Variants in LTA4H observed in about 807,000 individuals in gnomAD.
The protein encoded by LTA4H is leukotriene A4 hydrolase, also known as leukotriene A-4 hydrolase.
LTA4H carries 59 observed loss-of-function variants against 89.8 expected under a neutral mutation model. That is an observed-to-expected ratio of 0.66 (90% CI 0.53 to 0.82). The LOEUF (loss-of-function observed/expected upper bound fraction) is 0.82, where lower values mean the gene tolerates loss of function less well. Among genes scored for constraint, LTA4H ranks in the 40% least tolerant of loss-of-function variants. The pLI, the probability that LTA4H is intolerant of heterozygous loss-of-function variation, is 0.00. For synonymous variants in LTA4H, 227 were observed against 253.1 expected, an observed-to-expected ratio of 0.90 and a Z score of 0.98; for missense variants, 617 against 727.0, an observed-to-expected ratio of 0.85 and a Z score of 1.74.
intron 14 of LTA4H, chr12:96,012,100 G>A (rs1300400195): frequency 6.6e-6 from 1 of 152,220 alleles, no homozygotes; most frequent in African/African-American, 2.4e-5. Flanking sequence ...AGTTAGTGGG[G>A]CGCTCTGACC....
upstream of LTA4H, among the ~76,000 whole-genome samples, chr12:96,037,566 CAG>C (rs1337507348): frequency 6.6e-6 from 1 of 151,814 alleles, no homozygotes; most frequent in Non-Finnish European, 1.5e-5. Context: ...AGATGGAAGC[CAG>C]AGAGTAGTGG....
intron 2 of LTA4H, among the ~76,000 whole-genome samples, chr12:96,028,498 C>A (rs1950537067): frequency 6.6e-6 from 1 of 152,178 alleles, no homozygotes; most frequent in Admixed American, 6.5e-5. Flanking sequence ...CCCAGTGTGA[C>A]AATTCTGGTT....
rs934006774 is a variant in LTA4H at position 96,029,088 on chromosome 12, G to T, written c.257C>A (p.Pro86Gln). The T allele has an allele frequency of 3.1e-6, 5 of 1,590,032 alleles. No individual in the cohort carries two copies. Among genetic ancestry groups the T allele is most frequent in the Non-Finnish European group, 4.3e-6 (5 of 1,168,482 alleles). ...AGCGATAGGAAGAGAGATTTCCATT[G>T]GCGATCCCTTGTAACTTTGTCTTTC... ...LGERQSYKGS[P>Q]MEISLPIALS... Residue 86 changes from proline (P) to glutamine (Q), a missense_variant, in exon 2 of 19, where the codon CCA becomes CAA. Transcript: ENST00000228740.
rs1175196528 is a variant in LTA4H at position 96,043,233 on chromosome 12, G to A, written c.87+56C>T. ...CCCGGGAGGTGAATTGAAGGGGTAG[G>A]CAGGGACTCGACTTGAAAGAACCTC... On this transcript the variant is annotated intron_variant, in intron 1 of 17. Transcript: ENST00000413268. The A allele has an allele frequency of 9.6e-6, 12 of 1,251,616 alleles. No homozygotes were observed. The East Asian group carries it at 3.0e-4, about 32-fold the overall frequency. 77.5% of individuals were successfully genotyped at this position (1,251,616 alleles called of 1,614,324 possible).
At chr12:96,011,052 C>T (rs1011828104) in intron 14 of LTA4H, 2 of 152,148 alleles carry the variant, frequency 1.3e-5, no homozygotes, top group Admixed American at 1.3e-4. Context: ...CAGGGTTCCT[C>T]CAGCACTTTG....
chr12:96,032,974 A>G (rs939700899), intron 1 of LTA4H, among the ~76,000 whole-genome samples: 1 of 152,182 alleles, frequency 6.6e-6, no homozygotes, highest in African/African-American at 2.4e-5. Context: ...GGAGAAGGGA[A>G]AGGATCAGGA....
chr12:96,001,017 A>C lies in LTA4H; in HGVS notation c.1808T>G (p.Leu603Arg). The C allele has an allele frequency of 6.2e-7, 1 of 1,613,832 alleles. No individual in the cohort carries two copies. The highest frequency in any genetic ancestry group is 8.5e-7 in the Non-Finnish European group (1 of 1,179,722). ...ATCCACTTTTAAGTCTTTCCCCACC[A>C]GCATTGCAGTCACGGGATGCATGCT... is the stretch of plus-strand genomic sequence containing the variant. ...KASMHPVTAMLVGKDLKVD is the reference protein window; with the variant it reads ...KASMHPVTAMRVGKDLKVD Residue 603 changes from leucine to arginine, a missense_variant, in exon 19 of 19, where the codon CTG (leucine) becomes CGG (arginine). Physicochemically the swap from Leu to Arg is moderately radical, Grantham distance 102. Around this residue, in one of 3 missense-constraint regions of LTA4H, gnomAD observed 290 missense variants for 339.1 expected, o/e 0.86. Transcript: ENST00000228740.
At chr12:96,036,288 C>T (rs1001669047), upstream of LTA4H, among the ~76,000 whole-genome samples, 1 of 152,200 alleles carries the variant, frequency 6.6e-6, no homozygotes, top group Admixed American at 6.5e-5. Flanking sequence ...AGAGCTGGGA[C>T]ATCTAGCTCA....
chr12:96,032,490 G>A (rs1950586132), intron 1 of LTA4H, among the ~76,000 whole-genome samples: 1 of 152,122 alleles, frequency 6.6e-6, no homozygotes, highest in African/African-American at 2.4e-5. Context: ...ACTATACTAG[G>A]AAGCTGAGAT....
intron 11 of LTA4H, 113 bp downstream of exon 11, chr12:96,015,470 A>T: frequency 1.4e-6 from 1 of 714,886 alleles, no homozygotes; most frequent in East Asian, 2.6e-5. Context: ...CACTTTCCAC[A>T]CTTGTAAAAA....
rs1344300196 is a variant in LTA4H, at chr12:96,027,435, C to A, written c.411+9G>T. The A allele has an allele frequency of 6.4e-7, 1 of 1,570,212 alleles. No homozygotes were observed. Among genetic ancestry groups the A allele is most frequent in the Non-Finnish European group, 8.6e-7 (1 of 1,163,782 alleles). The stretch of plus-strand genomic sequence containing the variant: ...TCTGCATCAGAAATCATTCTGGAAT[C>A]CTTTTTACCTGGCACTGACTAAAGA... On this transcript the variant is annotated intron_variant, in intron 3 of 18. Coordinates refer to ENST00000228740, the MANE Select transcript of LTA4H (RefSeq NM_000895.3).
At chr12:96,011,586 A>G (rs1416405159) in intron 14 of LTA4H, 1 of 152,186 alleles carries the variant, frequency 6.6e-6, no homozygotes, top group Non-Finnish European at 1.5e-5. Context: ...AACACTTAAT[A>G]TTTTAAAAAA....
Position 96,029,172 on chromosome 12 carries a change from T to C in LTA4H, c.173A>G (p.Lys58Arg). ...CACTACTTTTTCTATTGTAAGGTCC[T>C]TTGTATCCAAAACCTAAAATTAATA... ...DNLRSLVLDT[K>R]DLTIEKVVIN... The change falls in exon 2 of 19, where the codon AAG (lysine) becomes AGG (arginine). Residue 58 changes from lysine to arginine, a missense_variant. Around this residue, in one of 3 missense-constraint regions of LTA4H, gnomAD observed 155 missense variants for 143.3 expected, o/e 1.08. Coordinates refer to ENST00000228740, the MANE Select transcript of LTA4H (RefSeq NM_000895.3). The C allele has an allele frequency of 6.5e-7, 1 of 1,529,770 alleles. No homozygotes were observed. The highest frequency in any genetic ancestry group is 8.9e-7 in the Non-Finnish European group (1 of 1,126,434). The allele number at this position is 1,529,770 out of a possible 1,614,324, so 94.8% of individuals were successfully genotyped here.
In LTA4H at chr12:96,009,117, C is replaced by T. The variant is rs182608358; in HGVS notation, c.1411G>A (p.Ala471Thr). Residue 471 changes from alanine (A) to threonine (T), a missense_variant, in exon 15 of 19, where the codon GCC becomes ACC. Ala to Thr is a moderately conservative substitution (Grantham distance 58, BLOSUM62 0). Coordinates refer to ENST00000228740, the MANE Select transcript of LTA4H (RefSeq NM_000895.3). The part of the protein sequence containing the change: ...YDMTLTNACI[A>T]LSQRWITAKE... ...ACAGTAATCCATCTTTGACTTAAGG[C>T]AATACAAGCATTTGTCAGAGTCATA... 2.5e-6 allele frequency: 4 copies of T among 1,606,292 alleles called. No individual in the cohort carries two copies. In the Admixed American group the frequency reaches 6.7e-5, roughly 27 times the overall value.
Position 96,027,465 on chromosome 12 carries a change from T to C in LTA4H, c.390A>G (p.Pro130=). The change falls in exon 3 of 19, where the codon CCA becomes CCG. Residue 130 remains proline (P), a synonymous_variant. Transcript: ENST00000228740. The stretch of plus-strand genomic sequence containing the variant: ...TTACCTGGCACTGACTAAAGAGATA[T>C]GGGTGTTCCTTCCCAGAAGTCTGTT... The part of the protein sequence containing the change: ...TPEQTSGKEH[P]YLFSQCQAIH... 2 of 1,609,326 alleles carry C rather than the reference T, an allele frequency of 1.2e-6. No homozygotes were observed. Among genetic ancestry groups the C allele is most frequent in the Middle Eastern group, 1.7e-4 (1 of 6,050 alleles).
intron 6 of LTA4H, among the ~76,000 whole-genome samples, chr12:96,019,899 GTTTTTT>G (rs748833448): frequency 1.7e-5 from 2 of 120,930 alleles, no homozygotes; most frequent in Non-Finnish European, 3.5e-5. Flanking sequence ...CACGCCCAGC[GTTTTTT>G]TTTTTTTTTT....
chr12:96,006,484 G>T, intron 15 of LTA4H, 75 bp from the exon 16 acceptor site: 3 of 794,166 alleles, frequency 3.8e-6, no homozygotes, highest in Non-Finnish European at 6.0e-6. Context: ...TGACATAAAA[G>T]TAAAAATTGA....
At chr12:96,037,692 C>CTTTTTTTTT (rs1205832896), upstream of LTA4H, among the ~76,000 whole-genome samples, 1 of 114,192 alleles carries the variant, frequency 8.8e-6, no homozygotes, top group Non-Finnish European at 1.7e-5. Context: ...ATTGAGAAAG[C>CTTTTTTTTT]TTTTTTTTTT....
chr12:96,022,644 A>G lies in LTA4H; in HGVS notation c.481-393T>C, dbSNP rs1482015526. Among the ~76,000 whole-genome samples the G allele has an allele frequency of 3.3e-5, 5 of 152,200 alleles. No individual in the cohort carries two copies. The highest frequency in any genetic ancestry group is 7.3e-5 in the Non-Finnish European group (5 of 68,028). ...TTGGTAGAAACTGGATTAAAATCCC[A>G]GCTCTGCCACCTAATAACTAACTGC... On this transcript the variant is annotated intron_variant, in intron 4 of 18. Transcript: ENST00000228740. This position sits in a 1 kb window ranked among gnomAD's most constrained non-coding sequence, Gnocchi z 4.0.
Sources: allele counts gnomAD v4.1 joint callset (sites outside exome capture counted in the v4.1 genomes callset), GRCh38; gene constraint gnomAD v4.1.1; regional missense constraint gnomAD v4.1.1; non-coding constraint Gnocchi (gnomAD v3.1); transcripts MANE v1.5; gene names NCBI Gene and HGNC (gene_info 2026-07-23, HGNC 2026-07-21).